The following GLIPR1 variants were observed in gnomAD, a reference collection of about 807,000 sequenced individuals.
GLIPR1 encodes GLI pathogenesis related 1, also known as glioma pathogenesis-related protein 1.
A neutral mutation model predicts 30.3 loss-of-function variants in GLIPR1; 38 were observed. The observed-to-expected ratio is 1.26, with a 90% confidence interval of 0.97 to 1.65. The LOEUF is 1.65. Ranked by LOEUF, GLIPR1 falls within the 40% of genes most tolerant of loss-of-function variation. The pLI, the probability that GLIPR1 is intolerant of heterozygous loss-of-function variation, is 0.00. For missense variants in GLIPR1, 285 were observed against 326.5 expected (o/e 0.87, Z 0.98); for synonymous variants, 122 against 110.6 (o/e 1.10, Z -0.65).
Position 75,502,199 on chromosome 12 carries a change from A to G in GLIPR1, c.*3221A>G. The stretch of plus-strand genomic sequence containing the variant: ...AGTGTGGAGGTAGGAAAGCACCTCC[A>G]TGGAATACAACCCAGAGTAGTTCAG... On this transcript the variant is annotated 3_prime_UTR_variant, in exon 6 of 6. Transcript: ENST00000266659. 1 of 539,314 alleles carries G rather than the reference A, an allele frequency of 1.9e-6. No homozygotes were observed. The highest frequency in any genetic ancestry group is 3.3e-6 in the Non-Finnish European group (1 of 303,360). 33.4% of individuals were successfully genotyped at this position (539,314 alleles called of 1,614,324 possible). A position where few individuals can be genotyped will look rare whatever the true frequency, so the allele number is the denominator to read the frequency against.
At chr12:75,494,748 T>G (rs1242168709) in intron 3 of GLIPR1, 3 of 152,202 alleles carry the variant, frequency 2.0e-5, no homozygotes, top group African/African-American at 7.2e-5. Flanking sequence ...GAGATAAATG[T>G]GCCCCCTCTC....
rs1423838583 is a variant in GLIPR1, at chr12:75,487,605, AAGG to A, written c.421-2798_421-2796del. ...GGGTACCCTCTCCAGTTGCCAAACC[AAGG>A]AGAAGGCAGCCCACACTCTGCCCAT... On this transcript the variant is annotated intron_variant, in intron 2 of 5. Transcript: ENST00000266659. 13 of 341,504 alleles carry A rather than the reference AAGG, an allele frequency of 3.8e-5. No homozygotes were observed. In the East Asian group the frequency reaches 9.8e-4, roughly 26 times the overall value. The allele number at this position is 341,504 out of a possible 1,614,324, so 21.2% of individuals were successfully genotyped here. A position where few individuals can be genotyped will look rare whatever the true frequency, so the allele number is the denominator to read the frequency against.
At position 75,500,769 on chromosome 12, in the gene GLIPR1, A is replaced by C. The variant is rs1406596579; in HGVS notation, c.*1791A>C. 6.6e-6 allele frequency: 1 copy of C among 152,000 alleles called. No individual in the cohort carries two copies. Among genetic ancestry groups the C allele is most frequent in the Non-Finnish European group, 1.5e-5 (1 of 67,952 alleles). The allele number at this position is 152,000 out of a possible 1,614,324, so 9.4% of individuals were successfully genotyped here. ...TAAAAGAATCATAAGATAAAACATC[A>C]AACTACCCAGCAACCTGAGAAGCAC... is the stretch of plus-strand genomic sequence containing the variant. On this transcript the variant is annotated 3_prime_UTR_variant, in exon 6 of 6. Transcript: ENST00000266659.
chr12:75,481,838 G>A lies in GLIPR1; in HGVS notation c.179G>A (p.Trp60Ter). Reference protein sequence around the residue: ...PTASDMLYMTWDPALAQIAKA... With the variant: ...PTASDMLYMT ...GTTTAATGTTTATTTTTGCAGACTT[G>A]GGACCCAGCACTAGCCCAAATTGCA... Residue 60 changes from tryptophan (W) to a stop codon, truncating the protein, a stop_gained, in exon 2 of 6, where the codon TGG becomes TAG. Transcript: ENST00000266659. LOFTEE classifies it high-confidence loss of function. 6.2e-7 allele frequency: 1 copy of A among 1,613,816 alleles called. No homozygotes were observed. Among genetic ancestry groups the A allele is most frequent in the East Asian group, 2.2e-5 (1 of 44,872 alleles).
chr12:75,501,841 T>A lies in GLIPR1; in HGVS notation c.*2863T>A. On this transcript the variant is annotated 3_prime_UTR_variant, in exon 6 of 6. Transcript: ENST00000266659. Reference sequence around the variant, plus strand: ...CCTACATTAATAAATAAAAAATATATCAGTTAAATGTATTTATAGTTAAAT... The same window carrying A: ...CCTACATTAATAAATAAAAAATATAACAGTTAAATGTATTTATAGTTAAAT... 1.3e-6 allele frequency: 2 copies of A among 1,569,058 alleles called. No homozygotes were observed. Among genetic ancestry groups the A allele is most frequent in the Middle Eastern group, 1.7e-4 (1 of 5,758 alleles).
chr12:75,500,090 C>T lies in GLIPR1; in HGVS notation c.*1112C>T. ...TATAATTGAATAATTGAAAGGTGAT[C>T]ACAGTATAAAATATAAAAACACTTG... is the stretch of plus-strand genomic sequence containing the variant. On this transcript the variant is annotated 3_prime_UTR_variant, in exon 6 of 6. Transcript: ENST00000266659. The T allele has an allele frequency of 1.7e-6, 1 of 588,166 alleles. No individual in the cohort carries two copies. The highest frequency in any genetic ancestry group is 2.7e-6 in the Non-Finnish European group (1 of 363,686). 36.4% of individuals were successfully genotyped at this position (588,166 alleles called of 1,614,324 possible).
chr12:75,480,771 G>A lies in GLIPR1; in HGVS notation c.-110G>A. ...TGCTCTGTTCTGTTTTCTCAAAGCT[G>A]AAGTCGGCTAGGTTTGCAAAGCTGT... On this transcript the variant is annotated 5_prime_UTR_variant, in exon 1 of 6. Transcript: ENST00000266659. 1.4e-6 allele frequency: 1 copy of A among 723,012 alleles called. No homozygotes were observed. The highest frequency in any genetic ancestry group is 2.3e-6 in the Non-Finnish European group (1 of 434,828). The allele number at this position is 723,012 out of a possible 1,614,324, so 44.8% of individuals were successfully genotyped here. A position where few individuals can be genotyped will look rare whatever the true frequency, so the allele number is the denominator to read the frequency against.
At chr12:75,482,172 G>A (rs1231996982) in intron 2 of GLIPR1, 93 bp downstream of exon 2, 2 of 1,032,212 alleles carry the variant, frequency 1.9e-6, no homozygotes, top group African/African-American at 1.6e-5. Flanking sequence ...TAGTATGCTA[G>A]TATACCTGTA....
At position 75,480,996 on chromosome 12, in the gene GLIPR1, G is replaced by T. The variant is rs765807870; in HGVS notation, c.116G>T (p.Arg39Leu). ...ENEDFIKDCV[R>L]IHNKFRSEVK... ...GAAGATTTCATCAAAGACTGCGTTC[G>T]AATCCATAACAAGTTCCGATCAGAG... Residue 39 changes from arginine (R) to leucine (L), a missense_variant, in exon 1 of 6, where the codon CGA (arginine) becomes CTA (leucine). Arg to Leu is a moderately radical substitution (Grantham distance 102). Transcript: ENST00000266659. The T allele has an allele frequency of 6.2e-7, 1 of 1,613,780 alleles. No individual in the cohort carries two copies. Among genetic ancestry groups the T allele is most frequent in the East Asian group, 2.2e-5 (1 of 44,872 alleles).
At chr12:75,486,876 T>C (rs1308123581) in intron 2 of GLIPR1, among the ~76,000 whole-genome samples, 1 of 152,160 alleles carries the variant, frequency 6.6e-6, no homozygotes, top group Non-Finnish European at 1.5e-5. Context: ...ATATCTTGAA[T>C]GTGGTAGTGG....
chr12:75,502,288 G>A lies in GLIPR1; in HGVS notation c.*3310G>A, dbSNP rs564342173. 10 of 261,196 alleles carry A rather than the reference G, an allele frequency of 3.8e-5. No individual in the cohort carries two copies. Among genetic ancestry groups the A allele is most frequent in the Non-Finnish European group, 6.5e-5 (9 of 138,550 alleles). 16.2% of individuals were successfully genotyped at this position (261,196 alleles called of 1,614,324 possible). A position where few individuals can be genotyped will look rare whatever the true frequency, so the allele number is the denominator to read the frequency against. ...AGAAGAAACTGGAGAGAGAGTTTTG[G>A]GGAAAATTTGAAGAAGCTTCAATGG... On this transcript the variant is annotated 3_prime_UTR_variant, in exon 6 of 6. Coordinates refer to ENST00000266659, the MANE Select transcript of GLIPR1 (RefSeq NM_006851.3).
rs2046408905 is a variant in GLIPR1 at position 75,503,642 on chromosome 12, C to T, written c.*4664C>T. 3.5e-6 allele frequency: 1 copy of T among 284,616 alleles called. No individual in the cohort carries two copies. The highest frequency in any genetic ancestry group is 5.0e-5 in the Admixed American group (1 of 20,030). 17.6% of individuals were successfully genotyped at this position (284,616 alleles called of 1,614,324 possible). A position where few individuals can be genotyped will look rare whatever the true frequency, so the allele number is the denominator to read the frequency against. On this transcript the variant is annotated 3_prime_UTR_variant, in exon 6 of 6. Transcript: ENST00000266659. ...ATTGCAGACTAAACGAACTTTTATCCATGGAACATTTACAGTGGCTACAGG... is the reference window on the plus strand; with the variant it reads ...ATTGCAGACTAAACGAACTTTTATCTATGGAACATTTACAGTGGCTACAGG...
Position 75,500,070 on chromosome 12 carries a change from T to C in GLIPR1, c.*1092T>C, listed in dbSNP as rs967544635. On this transcript the variant is annotated 3_prime_UTR_variant, in exon 6 of 6. Coordinates refer to ENST00000266659, the MANE Select transcript of GLIPR1 (RefSeq NM_006851.3). ...AGTTAACTTCAGAGTATTCTTATAA[T>C]TGAATAATTGAAAGGTGATCACAGT... 5 of 710,634 alleles carry C rather than the reference T, an allele frequency of 7.0e-6. No homozygotes were observed. Among genetic ancestry groups the C allele is most frequent in the African/African-American group, 5.7e-5 (3 of 52,702 alleles). The allele number at this position is 710,634 out of a possible 1,614,324, so 44.0% of individuals were successfully genotyped here.
intron 1 of GLIPR1, chr12:75,481,451 G>C (rs2046270653): frequency 8.8e-6 from 2 of 227,212 alleles, no homozygotes; most frequent in African/African-American, 2.3e-5. Flanking sequence ...TCTGGGGAAA[G>C]GATGGGATTT....
rs2046395510 is a variant in GLIPR1, at chr12:75,501,738, C to T, written c.*2760C>T. On this transcript the variant is annotated 3_prime_UTR_variant, in exon 6 of 6. Coordinates refer to ENST00000266659, the MANE Select transcript of GLIPR1 (RefSeq NM_006851.3). Reference sequence around the variant, plus strand: ...AAAGCATTACCTTCCTTAGGTTTCACAATTGGTTTTTCCTTAGGTGGAATA... The same window carrying T: ...AAAGCATTACCTTCCTTAGGTTTCATAATTGGTTTTTCCTTAGGTGGAATA... 6.2e-7 allele frequency: 1 copy of T among 1,606,502 alleles called. No individual in the cohort carries two copies. Among genetic ancestry groups the T allele is most frequent in the Non-Finnish European group, 8.5e-7 (1 of 1,174,608 alleles).
At position 75,502,351 on chromosome 12, in the gene GLIPR1, T is replaced by C. The variant is rs1250008299; in HGVS notation, c.*3373T>C. 2 of 177,260 alleles carry C rather than the reference T, an allele frequency of 1.1e-5. No homozygotes were observed. Among genetic ancestry groups the C allele is most frequent in the Non-Finnish European group, 2.4e-5 (2 of 84,492 alleles). 11.0% of individuals were successfully genotyped at this position (177,260 alleles called of 1,614,324 possible). On this transcript the variant is annotated 3_prime_UTR_variant, in exon 6 of 6. Transcript: ENST00000266659. ...GAGGGATAAGATTTAGAAATGACTG[T>C]AGGTTTCTGAGAAGACTGTAAAGAC...
rs2046273387 is a variant in GLIPR1 at position 75,481,978 on chromosome 12, A to C, written c.319A>C (p.Ile107Leu). 3.1e-6 allele frequency: 5 copies of C among 1,614,042 alleles called. No homozygotes were observed. The highest frequency in any genetic ancestry group is 4.2e-6 in the Non-Finnish European group (5 of 1,179,998). ...GENIWTGSVPIFSVSSAITNW... is the reference protein window; with the variant it reads ...GENIWTGSVPLFSVSSAITNW... ...GAACATCTGGACTGGGTCTGTGCCC[A>C]TTTTTTCTGTGTCTTCCGCCATCAC... Residue 107 changes from isoleucine (I) to leucine (L), a missense_variant, in exon 2 of 6, where the codon ATT becomes CTT. By Grantham distance (5) the Ile-to-Leu change is conservative. Transcript: ENST00000266659.
intron 2 of GLIPR1, among the ~76,000 whole-genome samples, chr12:75,485,700 G>A (rs61932259): frequency 0.058 from 8,717 of 151,290 alleles, 307 homozygotes; most frequent in Middle Eastern, 0.14. Context: ...ACAGGCGCCC[G>A]CCACTACGCC....
chr12:75,493,072 G>C (rs2046332182), intron 3 of GLIPR1: 1 of 152,150 alleles, frequency 6.6e-6, no homozygotes, highest in African/African-American at 2.4e-5. Flanking sequence ...ACAGAGACTG[G>C]TGCCCTCGGT....
Sources: gnomAD v4.1 joint callset for allele counts (sites outside exome capture counted in the v4.1 genomes callset) on GRCh38, gnomAD v4.1.1 for gene constraint, MANE v1.5 for transcripts, NCBI Gene and HGNC (gene_info 2026-07-23, HGNC 2026-07-21) for gene names.